Variants in ST6GAL1 observed in about 807,000 individuals in gnomAD.
The protein encoded by ST6GAL1 is beta-galactoside alpha-2,6-sialyltransferase 1.
In ST6GAL1, 20 loss-of-function variants were observed where a neutral mutation model predicts 38.0. The observed-to-expected ratio is 0.53, with a 90% CI of 0.37 to 0.77. The LOEUF (loss-of-function observed/expected upper bound fraction) is 0.77. ST6GAL1 is among the 30% of genes least tolerant of loss of function. The probability of loss-of-function intolerance (pLI) is 0.00; values close to 1 mark genes in which losing one functional copy is unlikely to be tolerated. For synonymous variants in ST6GAL1, 196 were observed against 188.2 expected (o/e 1.04, Z -0.34); for missense variants, 432 against 496.4 (o/e 0.87, Z 1.23).
intron 2 of ST6GAL1, among the ~76,000 whole-genome samples, chr3:187,028,782 T>A (rs1426776927): frequency 6.6e-6 from 1 of 152,336 alleles, no homozygotes; most frequent in East Asian, 1.9e-4. Context: ...AGTTGTCCCA[T>A]AGGAAGTCCT....
At chr3:187,070,004 T>A (rs1488345844) in intron 5 of ST6GAL1, among the ~76,000 whole-genome samples, 2 of 152,190 alleles carry the variant, frequency 1.3e-5, no homozygotes, top group African/African-American at 4.8e-5. Context: ...AGCATATGAC[T>A]TCCACTTTAT....
At chr3:186,966,148 C>T (rs1321279246) in intron 2 of ST6GAL1, among the ~76,000 whole-genome samples, 1 of 152,108 alleles carries the variant, frequency 6.6e-6, no homozygotes, top group Non-Finnish European at 1.5e-5. Context: ...AATCCGCCTG[C>T]CTAGGCCTCC....
chr3:187,029,987 TG>T (rs1347729063), intron 2 of ST6GAL1, among the ~76,000 whole-genome samples: 2 of 152,100 alleles, frequency 1.3e-5, no homozygotes, highest in Non-Finnish European at 2.9e-5. Context: ...CTCAAGATTA[TG>T]GAAGGTATTG....
intron 1 of ST6GAL1, among the ~76,000 whole-genome samples, chr3:186,940,699 G>C (rs574300968): frequency 6.6e-6 from 1 of 151,968 alleles, no homozygotes; most frequent in Non-Finnish European, 1.5e-5. Flanking sequence ...CCAAAAGATC[G>C]GACATTCCTG....
At chr3:187,062,305 G>T (rs1313056223) in intron 5 of ST6GAL1, among the ~76,000 whole-genome samples, 1 of 152,158 alleles carries the variant, frequency 6.6e-6, no homozygotes, top group East Asian at 1.9e-4. Flanking sequence ...TGGAATTACC[G>T]TGTAATCTAA....
intron 2 of ST6GAL1, among the ~76,000 whole-genome samples, chr3:186,996,997 G>A (rs1388427262): frequency 6.6e-6 from 1 of 152,056 alleles, no homozygotes; most frequent in Non-Finnish European, 1.5e-5. Flanking sequence ...GGTGGTTTGA[G>A]GGGTTCTGTC....
At chr3:187,022,515 G>A (rs1042602004) in intron 2 of ST6GAL1, among the ~76,000 whole-genome samples, 2 of 152,170 alleles carry the variant, frequency 1.3e-5, no homozygotes, top group African/African-American at 4.8e-5. Flanking sequence ...GGTTGTGGGG[G>A]CCTAGGTCCT....
intron 5 of ST6GAL1, among the ~76,000 whole-genome samples, chr3:187,063,434 A>G (rs1260401561): frequency 1.3e-5 from 2 of 152,246 alleles, no homozygotes; most frequent in African/African-American, 4.8e-5. Context: ...ATTGTCATTG[A>G]GGTGAGTGGG....
Position 187,009,917 on chromosome 3 carries a change from A to G in ST6GAL1, c.-182-28825A>G, listed in dbSNP as rs541141535. Among the ~76,000 whole-genome samples, 134 of 152,186 alleles carry G rather than the reference A, an allele frequency of 8.8e-4. 3 individuals carry two copies. In the South Asian group the frequency reaches 0.026, roughly 29 times the overall value. ...CTACTCAGGAGGCCGAGGCAGGAGA[A>G]TCGCTTGAACCCGGGAGTCGGAGGT... is the stretch of plus-strand genomic sequence containing the variant. On this transcript the variant is annotated intron_variant, in intron 2 of 7. Coordinates refer to ENST00000169298, the MANE Select transcript of ST6GAL1 (RefSeq NM_173216.2).
At chr3:187,035,483 C>T (rs964989865) in intron 2 of ST6GAL1, among the ~76,000 whole-genome samples, 1 of 152,068 alleles carries the variant, frequency 6.6e-6, no homozygotes, top group African/African-American at 2.4e-5. Flanking sequence ...CAGAGGCATT[C>T]CAGTACCTGA....
chr3:186,981,009 A>G (rs910193235), intron 2 of ST6GAL1, among the ~76,000 whole-genome samples: 1 of 152,182 alleles, frequency 6.6e-6, no homozygotes. Flanking sequence ...ACATTTGTGC[A>G]CTGAGGAGGG....
At chr3:186,943,250 A>T (rs1168799612) in intron 1 of ST6GAL1, among the ~76,000 whole-genome samples, 2 of 152,204 alleles carry the variant, frequency 1.3e-5, no homozygotes, top group African/African-American at 2.4e-5. Flanking sequence ...TTTTTGAGGC[A>T]GGGGAAGGCT....
intron 2 of ST6GAL1, among the ~76,000 whole-genome samples, chr3:186,981,109 A>G (rs1248238895): frequency 6.6e-6 from 1 of 152,262 alleles, no homozygotes; most frequent in Non-Finnish European, 1.5e-5. Flanking sequence ...GAAAAACTTT[A>G]GAGAAAATAA....
intron 1 of ST6GAL1, among the ~76,000 whole-genome samples, chr3:186,940,502 G>A (rs1333712312): frequency 2.6e-5 from 4 of 152,214 alleles, no homozygotes; most frequent in Non-Finnish European, 4.4e-5. Flanking sequence ...TGTTCAACCC[G>A]TGGCGTGGGG....
At chr3:187,008,253 A>C (rs1430573079) in intron 2 of ST6GAL1, among the ~76,000 whole-genome samples, 1 of 152,112 alleles carries the variant, frequency 6.6e-6, no homozygotes, top group Non-Finnish European at 1.5e-5. Flanking sequence ...CTAAAAACCA[A>C]GGATTAAAAA....
At chr3:187,072,791 C>T in intron 5 of ST6GAL1, 58 bp from the exon 6 acceptor site, 1 of 1,462,882 alleles carries the variant, frequency 6.8e-7, no homozygotes, top group South Asian at 1.1e-5. Flanking sequence ...GCTATTACTT[C>T]ATGTCAAACA....
intron 2 of ST6GAL1, among the ~76,000 whole-genome samples, chr3:186,985,471 C>G (rs1715882427): frequency 6.6e-6 from 1 of 151,498 alleles, no homozygotes; most frequent in South Asian, 2.1e-4. Context: ...TTGTGCAGGT[C>G]TCTAAAAGTT....
chr3:186,991,205 G>GC (rs1716157104), intron 2 of ST6GAL1, among the ~76,000 whole-genome samples: 1 of 152,154 alleles, frequency 6.6e-6, no homozygotes, highest in Non-Finnish European at 1.5e-5. Flanking sequence ...GTGGAGTGTG[G>GC]TTCTCCCAGA....
chr3:187,023,340 TG>T (rs1217130656), intron 2 of ST6GAL1, among the ~76,000 whole-genome samples: 87 of 152,346 alleles, frequency 5.7e-4, no homozygotes, highest in African/African-American at 2.0e-3. Context: ...TTATGTTGTT[TG>T]ACTCTTTATT....
Sources: gnomAD v4.1 joint callset for allele counts (sites outside exome capture counted in the v4.1 genomes callset) on GRCh38, gnomAD v4.1.1 for gene constraint, MANE v1.5 for transcripts, NCBI Gene and HGNC (gene_info 2026-07-23, HGNC 2026-07-21) for gene names.